RIMS1: variants seen among roughly 807,000 people sequenced by gnomAD.
The protein encoded by RIMS1 is regulating synaptic membrane exocytosis protein 1.
In RIMS1, 83 loss-of-function variants were observed where a neutral mutation model predicts 214.1. The ratio of observed to expected loss-of-function variants is 0.39; its 90% CI spans 0.32 to 0.47. The LOEUF (loss-of-function observed/expected upper bound fraction) is 0.47, where lower values mean the gene tolerates loss of function less well. RIMS1 is among the 20% of genes least tolerant of loss of function. RIMS1 has a pLI of 0.99. For synonymous variants in RIMS1, 793 were observed against 786.8 expected, an observed-to-expected ratio of 1.01 and a Z score of -0.13; for missense variants, 2,050 against 2,161.8, an observed-to-expected ratio of 0.95 and a Z score of 1.03.
At chr6:72,335,427 G>A (rs1473292572) in intron 29 of RIMS1, among the ~76,000 whole-genome samples, 2 of 151,980 alleles carry the variant, frequency 1.3e-5, no homozygotes, top group African/African-American at 4.8e-5. Context: ...TGGCTGCATA[G>A]TATTCCATTG....
intron 2 of RIMS1, among the ~76,000 whole-genome samples, chr6:72,022,475 T>G (rs1815017952): frequency 6.6e-6 from 1 of 152,208 alleles, no homozygotes. Flanking sequence ...ATTAGGTACA[T>G]TTATATTACA....
At chr6:72,057,557 G>A (rs1321477622) in intron 2 of RIMS1, among the ~76,000 whole-genome samples, 1 of 149,332 alleles carries the variant, frequency 6.7e-6, no homozygotes, top group East Asian at 2.0e-4. Context: ...GCCCAGGCTG[G>A]AGTGCAGTGG....
intron 2 of RIMS1, among the ~76,000 whole-genome samples, chr6:72,093,210 GTATATA>G (rs368970705): frequency 4.1e-4 from 23 of 56,494 alleles, no homozygotes; most frequent in Admixed American, 1.2e-3. Flanking sequence ...ATGTATGTGA[GTATATA>G]TATATATATA....
chr6:72,030,124 C>T (rs1009926977), intron 2 of RIMS1, among the ~76,000 whole-genome samples: 14 of 152,080 alleles, frequency 9.2e-5, no homozygotes, highest in African/African-American at 3.4e-4. Flanking sequence ...AAATATGGAC[C>T]AGTGCTTTTC....
In RIMS1 at chr6:72,282,353, T is replaced by C. The variant is rs77584733; in HGVS notation, c.3483-1694T>C. Among the ~76,000 whole-genome samples the C allele has an allele frequency of 5.6e-3, 857 of 152,238 alleles. 9 individuals are homozygous for C. The highest frequency in any genetic ancestry group is 0.02 in the African/African-American group (817 of 41,548). The stretch of plus-strand genomic sequence containing the variant: ...TTCCATTCCCAACAACCATGTCTCA[T>C]TGATTTCAGCCATGAAATCAATCAT... On this transcript the variant is annotated intron_variant, in intron 23 of 33. Transcript: ENST00000521978.
At chr6:72,187,155 G>A (rs1372699179) in intron 6 of RIMS1, among the ~76,000 whole-genome samples, 1 of 152,016 alleles carries the variant, frequency 6.6e-6, no homozygotes, top group Non-Finnish European at 1.5e-5. Flanking sequence ...AGGAAGAGAG[G>A]AAGAAAGGAG....
intron 4 of RIMS1, among the ~76,000 whole-genome samples, chr6:72,120,916 T>G (rs2038153710): frequency 6.6e-6 from 1 of 152,060 alleles, no homozygotes; most frequent in South Asian, 2.1e-4. Flanking sequence ...GGGAATCGTT[T>G]CCCCATTTCT....
At chr6:72,339,622 T>A (rs2096974470) in intron 29 of RIMS1, among the ~76,000 whole-genome samples, 1 of 152,090 alleles carries the variant, frequency 6.6e-6, no homozygotes, top group African/African-American at 2.4e-5. Context: ...ACTCATCATT[T>A]TTTATGGCTG....
chr6:72,163,806 G>T lies in RIMS1; in HGVS notation c.472-15769G>T, dbSNP rs9446585. Among the ~76,000 whole-genome samples the T allele has an allele frequency of 1.1e-4, 14 of 133,164 alleles. 5 individuals carry two copies. The highest frequency in any genetic ancestry group is 7.6e-4 in the South Asian group (3 of 3,968). The allele number at this position is 133,164 out of a possible 152,430, so 87.4% of individuals were successfully genotyped here. A position where few individuals can be genotyped will look rare whatever the true frequency, so the allele number is the denominator to read the frequency against. On this transcript the variant is annotated intron_variant, in intron 4 of 33. Coordinates refer to ENST00000521978, the MANE Select transcript of RIMS1 (RefSeq NM_014989.7). ...CAATCTGCCCCTACTGGCTGGGGGG[G>T]GGGGGCCTCCCAGTTAGGCTACTCG...
intron 6 of RIMS1, among the ~76,000 whole-genome samples, chr6:72,214,880 C>A (rs369804275): frequency 6.6e-6 from 1 of 152,082 alleles, no homozygotes; most frequent in Non-Finnish European, 1.5e-5. Context: ...CACCACCACA[C>A]GCAGCTAATT....
chr6:72,095,439 A>T (rs1179261778), intron 2 of RIMS1, among the ~76,000 whole-genome samples: 1 of 152,176 alleles, frequency 6.6e-6, no homozygotes, highest in African/African-American at 2.4e-5. Flanking sequence ...AATTGACCAG[A>T]TATTCTTGCA....
At chr6:72,237,283 G>GAGAA (rs962145736) in intron 8 of RIMS1, among the ~76,000 whole-genome samples, 1 of 151,600 alleles carries the variant, frequency 6.6e-6, no homozygotes, top group Non-Finnish European at 1.5e-5. Context: ...AGAAAGAAAA[G>GAGAA]AGAAAGAAAG....
At chr6:72,259,148 T>G in intron 18 of RIMS1, 37 bp downstream of exon 18, 2 of 1,580,794 alleles carry the variant, frequency 1.3e-6, no homozygotes, top group Non-Finnish European at 8.7e-7. Flanking sequence ...GTTATGAATT[T>G]TTTGTTCTGT....
chr6:72,076,569 G>A (rs1017781611), intron 2 of RIMS1, among the ~76,000 whole-genome samples: 3 of 152,076 alleles, frequency 2.0e-5, no homozygotes, highest in Non-Finnish European at 4.4e-5. Context: ...TTGAATTCTG[G>A]GTTCAATTTA....
chr6:72,118,430 A>C (rs138455600), intron 4 of RIMS1, among the ~76,000 whole-genome samples: 7 of 151,760 alleles, frequency 4.6e-5, no homozygotes, highest in African/African-American at 1.7e-4. Context: ...TACCGAAACT[A>C]TTCCAAAAGA....
At chr6:71,938,673 G>A (rs973230054) in intron 1 of RIMS1, among the ~76,000 whole-genome samples, 6 of 152,118 alleles carry the variant, frequency 3.9e-5, no homozygotes, top group East Asian at 1.9e-4. Flanking sequence ...TGGTGGGTAC[G>A]CTGGGCCCAC....
intron 1 of RIMS1, among the ~76,000 whole-genome samples, chr6:71,944,297 G>A (rs1561936982): frequency 6.6e-6 from 1 of 152,186 alleles, no homozygotes; most frequent in African/African-American, 2.4e-5. Flanking sequence ...ATAATTTTGA[G>A]AAGATTGTTA....
intron 2 of RIMS1, among the ~76,000 whole-genome samples, chr6:71,972,828 T>C (rs1796195638): frequency 6.6e-6 from 1 of 152,174 alleles, no homozygotes; most frequent in African/African-American, 2.4e-5. Flanking sequence ...AATACTAAAA[T>C]GCGTTTAAAA....
chr6:72,354,008 T>C (rs1275833221), intron 29 of RIMS1, among the ~76,000 whole-genome samples: 1 of 152,090 alleles, frequency 6.6e-6, no homozygotes, highest in Non-Finnish European at 1.5e-5. Flanking sequence ...TCACCTGAGG[T>C]CAGGAGTTAG....
Sources: gnomAD v4.1 joint callset for allele counts (sites outside exome capture counted in the v4.1 genomes callset) on GRCh38, gnomAD v4.1.1 for gene constraint, MANE v1.5 for transcripts, NCBI Gene and HGNC (gene_info 2026-07-23, HGNC 2026-07-21) for gene names.